Variants in ADAMTS6 observed in about 807,000 individuals in gnomAD.
The protein encoded by ADAMTS6 is ADAM metallopeptidase with thrombospondin type 1 motif 6.
A neutral mutation model predicts 144.3 loss-of-function variants in ADAMTS6; 23 were observed. The observed-to-expected ratio is 0.16, with a 90% CI of 0.11 to 0.23. ADAMTS6 has a LOEUF of 0.23. Among genes scored for constraint, ADAMTS6 ranks in the 10% least tolerant of loss-of-function variants. The pLI is 1.00. For missense variants in ADAMTS6, 999 were observed against 1,379.6 expected, an observed-to-expected ratio of 0.72 and a Z score of 4.37; for synonymous variants, 444 against 457.5, an observed-to-expected ratio of 0.97 and a Z score of 0.38.
At chr5:65,277,073 A>G (rs1417427131) in intron 11 of ADAMTS6, among the ~76,000 whole-genome samples, 1 of 152,176 alleles carries the variant, frequency 6.6e-6, no homozygotes, top group Non-Finnish European at 1.5e-5. Flanking sequence ...AGTTTAAGGA[A>G]GGAGAGAGAA....
At chr5:65,320,123 G>A (rs1156457187) in intron 9 of ADAMTS6, among the ~76,000 whole-genome samples, 5 of 152,270 alleles carry the variant, frequency 3.3e-5, no homozygotes, top group African/African-American at 9.6e-5. Flanking sequence ...GATTACAGGC[G>A]TAAGCCATCG....
intron 7 of ADAMTS6, 179 bp downstream of exon 7, chr5:65,451,296 G>T: frequency 3.6e-6 from 2 of 550,758 alleles, no homozygotes; most frequent in South Asian, 3.5e-5. Context: ...TTTCTTATTT[G>T]GTTCATTTGA....
At chr5:65,378,823 C>T (rs1580543470) in intron 7 of ADAMTS6, among the ~76,000 whole-genome samples, 1 of 152,216 alleles carries the variant, frequency 6.6e-6, no homozygotes, top group East Asian at 1.9e-4. Context: ...ATTATAAACT[C>T]TTGAAGACAA....
At chr5:65,356,500 C>CA (rs930330162) in intron 7 of ADAMTS6, among the ~76,000 whole-genome samples, 4 of 151,806 alleles carry the variant, frequency 2.6e-5, no homozygotes, top group Non-Finnish European at 5.9e-5. Flanking sequence ...GGAAGGCATG[C>CA]AATATAACAG....
intron 7 of ADAMTS6, among the ~76,000 whole-genome samples, chr5:65,444,875 G>C (rs1758143221): frequency 6.6e-6 from 1 of 152,086 alleles, no homozygotes; most frequent in Admixed American, 6.5e-5. Context: ...GTGTGACCTT[G>C]CCAATCAATT....
intron 9 of ADAMTS6, among the ~76,000 whole-genome samples, chr5:65,310,905 G>C (rs778811564): frequency 6.6e-6 from 1 of 152,012 alleles, no homozygotes; most frequent in Non-Finnish European, 1.5e-5. Flanking sequence ...CCCTAGCCTA[G>C]TAATTTTGCT....
chr5:65,437,207 G>A (rs189934290), intron 7 of ADAMTS6, among the ~76,000 whole-genome samples: 2 of 151,466 alleles, frequency 1.3e-5, no homozygotes, highest in African/African-American at 4.8e-5. Context: ...CCATTCTTCT[G>A]CCTCAGCCTC....
chr5:65,365,116 A>T (rs1339831112), intron 7 of ADAMTS6, among the ~76,000 whole-genome samples: 1 of 152,176 alleles, frequency 6.6e-6, no homozygotes, highest in East Asian at 1.9e-4. Context: ...CACGGTAAAC[A>T]GTATGATGTG....
intron 14 of ADAMTS6, among the ~76,000 whole-genome samples, chr5:65,252,114 A>T (rs1349168455): frequency 6.6e-6 from 1 of 152,174 alleles, no homozygotes; most frequent in East Asian, 1.9e-4. Context: ...TAAGCCTTGT[A>T]TGTTTCAATC....
At chr5:65,433,262 T>C (rs1255112205) in intron 7 of ADAMTS6, among the ~76,000 whole-genome samples, 4 of 152,114 alleles carry the variant, frequency 2.6e-5, no homozygotes, top group African/African-American at 9.7e-5. Context: ...CAGTTAATAA[T>C]AGCTCCAAAT....
chr5:65,439,209 T>C (rs1193418637), intron 7 of ADAMTS6, among the ~76,000 whole-genome samples: 7 of 152,096 alleles, frequency 4.6e-5, no homozygotes, highest in African/African-American at 1.7e-4. Flanking sequence ...AACTACCTAA[T>C]ATCGAAAGAA....
intron 7 of ADAMTS6, among the ~76,000 whole-genome samples, chr5:65,443,397 G>A (rs749901436): frequency 8.6e-5 from 13 of 152,002 alleles, no homozygotes; most frequent in Non-Finnish European, 1.9e-4. Flanking sequence ...AAGGTGGGAG[G>A]ATCACTTGAG....
At chr5:65,273,529 C>A in intron 11 of ADAMTS6, 82 bp from the exon 12 acceptor site, 1 of 1,151,534 alleles carries the variant, frequency 8.7e-7, no homozygotes, top group Non-Finnish European at 1.3e-6. Context: ...AGTCACTCTG[C>A]ATTACTTTCA....
chr5:65,280,369 T>C (rs965092619), intron 11 of ADAMTS6, among the ~76,000 whole-genome samples: 10 of 152,204 alleles, frequency 6.6e-5, no homozygotes, highest in Non-Finnish European at 1.0e-4. Flanking sequence ...ATACAAAAGA[T>C]GTGTATCTTC....
At chr5:65,325,022 C>A (rs1026473714) in intron 9 of ADAMTS6, among the ~76,000 whole-genome samples, 1 of 152,104 alleles carries the variant, frequency 6.6e-6, no homozygotes, top group Non-Finnish European at 1.5e-5. Context: ...TTATGCTCAG[C>A]GGAAATACCT....
intron 4 of ADAMTS6, among the ~76,000 whole-genome samples, chr5:65,458,170 G>A (rs1055416216): frequency 1.3e-5 from 2 of 151,960 alleles, no homozygotes; most frequent in African/African-American, 4.8e-5. Flanking sequence ...TATTAACTAT[G>A]GAATTTAATT....
chr5:65,384,693 T>G lies in ADAMTS6; in HGVS notation c.1074-50608A>C, dbSNP rs76655176. On this transcript the variant is annotated intron_variant, in intron 7 of 24. Transcript: ENST00000381055. Reference sequence around the variant, plus strand: ...GCCAGAATTGTCCTTAAGCCTCCTTTCACAGCTATGTACCACAAAACTTCC... The same window carrying G: ...GCCAGAATTGTCCTTAAGCCTCCTTGCACAGCTATGTACCACAAAACTTCC... 6.0e-3 allele frequency among the ~76,000 whole-genome samples: 911 copies of G among 152,314 alleles called. 12 individuals are homozygous for G. The highest frequency in any genetic ancestry group is 0.021 in the African/African-American group (876 of 41,574).
intron 9 of ADAMTS6, among the ~76,000 whole-genome samples, chr5:65,321,168 C>G (rs1255163140): frequency 6.6e-6 from 1 of 152,220 alleles, no homozygotes; most frequent in African/African-American, 2.4e-5. Context: ...CTCTCACCAA[C>G]AGTGTATAAG....
At chr5:65,397,052 G>C (rs1335231591) in intron 7 of ADAMTS6, among the ~76,000 whole-genome samples, 3 of 152,130 alleles carry the variant, frequency 2.0e-5, no homozygotes, top group Non-Finnish European at 2.9e-5. Flanking sequence ...ATCTCTTCTT[G>C]TGTGAGTTTT....
Sources: allele counts gnomAD v4.1 joint callset (sites outside exome capture counted in the v4.1 genomes callset), GRCh38; gene constraint gnomAD v4.1.1; transcripts MANE v1.5; gene names NCBI Gene and HGNC (gene_info 2026-07-23, HGNC 2026-07-21).